The following IL1RAPL2 variants were observed in gnomAD, a reference collection of about 807,000 sequenced individuals.
IL1RAPL2 encodes X-linked interleukin-1 receptor accessory protein-like 2.
IL1RAPL2 carries 3 observed loss-of-function variants against 44.1 expected under a neutral mutation model. The observed-to-expected ratio is 0.07, with a 90% CI of 0.03 to 0.18. The LOEUF (loss-of-function observed/expected upper bound fraction) is 0.18. IL1RAPL2 is among the 10% of genes least tolerant of loss of function. IL1RAPL2 has a pLI of 1.00. For missense variants in IL1RAPL2, 391 were observed against 496.4 expected (o/e 0.79, Z 2.02); for synonymous variants, 181 against 178.8 (o/e 1.01, Z -0.10).
chrX:105,005,393 A>G lies in IL1RAPL2; in HGVS notation c.83-190082A>G, dbSNP rs192120132. Among the ~76,000 whole-genome samples the G allele has an allele frequency of 3.5e-4, 39 of 111,409 alleles. No individual in the cohort carries two copies. The Middle Eastern group carries it at 0.014, about 39-fold the overall frequency. ...ATATATCTATGCACCATGGACCAACAACGTGGGCATCACCTGGGAGCTCAT... is the reference window on the plus strand; with the variant it reads ...ATATATCTATGCACCATGGACCAACGACGTGGGCATCACCTGGGAGCTCAT... On this transcript the variant is annotated intron_variant, in intron 2 of 10. Coordinates refer to ENST00000372582, the MANE Select transcript of IL1RAPL2 (RefSeq NM_017416.2).
chrX:105,161,455 C>G (rs2033324495), intron 2 of IL1RAPL2, among the ~76,000 whole-genome samples: 1 of 108,977 alleles, frequency 9.2e-6, no homozygotes, highest in Non-Finnish European at 1.9e-5. Flanking sequence ...ATTCAAGATA[C>G]AAAAATTATT....
chrX:104,718,986 G>A (rs1056113849), intron 2 of IL1RAPL2, among the ~76,000 whole-genome samples: 4 of 111,853 alleles, frequency 3.6e-5, no homozygotes, highest in Non-Finnish European at 7.5e-5. Context: ...AAAACACATA[G>A]TGGGTTGTAG....
intron 7 of IL1RAPL2, among the ~76,000 whole-genome samples, chrX:105,723,373 T>C (rs2038322666): frequency 1.8e-5 from 2 of 111,667 alleles, no homozygotes; most frequent in South Asian, 7.5e-4. Flanking sequence ...GCTGAGAAGA[T>C]TGAAGCTTCC....
chrX:104,613,774 A>G (rs1300856263), intron 1 of IL1RAPL2, among the ~76,000 whole-genome samples: 1 of 103,279 alleles, frequency 9.7e-6, no homozygotes. Flanking sequence ...GCCTGGCAGA[A>G]TTTGGATGTA....
chrX:104,907,319 T>G (rs779021040), intron 2 of IL1RAPL2, among the ~76,000 whole-genome samples: 1 of 111,757 alleles, frequency 8.9e-6, no homozygotes, highest in African/African-American at 3.2e-5. Context: ...CTGCTTTGAT[T>G]TCAGTTATTT....
intron 2 of IL1RAPL2, among the ~76,000 whole-genome samples, chrX:104,715,680 T>TAA (rs774607456): frequency 0.057 from 5,635 of 98,813 alleles, 382 homozygotes; most frequent in African/African-American, 0.18. Flanking sequence ...TCACAATTGC[T>TAA]AAAAAAAAAA....
intron 2 of IL1RAPL2, among the ~76,000 whole-genome samples, chrX:104,958,991 G>A (rs149014052): frequency 0.017 from 1,934 of 111,300 alleles, 32 homozygotes; most frequent in Non-Finnish European, 0.025. Context: ...CAGGGTCTCC[G>A]TGGAATTAGT....
At chrX:104,941,543 G>T (rs1008282720) in intron 2 of IL1RAPL2, among the ~76,000 whole-genome samples, 6 of 111,514 alleles carry the variant, frequency 5.4e-5, no homozygotes, top group Non-Finnish European at 9.4e-5. Flanking sequence ...TTTTTGATGG[G>T]TTTTTTGATT....
intron 3 of IL1RAPL2, among the ~76,000 whole-genome samples, chrX:105,223,674 G>A (rs1316407979): frequency 1.8e-5 from 2 of 111,907 alleles, no homozygotes; most frequent in Non-Finnish European, 3.8e-5. Flanking sequence ...GACAAAACAT[G>A]ATTAGGGCTT....
intron 3 of IL1RAPL2, among the ~76,000 whole-genome samples, chrX:105,199,959 G>A (rs2033702969): frequency 9.0e-6 from 1 of 111,386 alleles, no homozygotes; most frequent in African/African-American, 3.3e-5. Flanking sequence ...ATATGTCTGT[G>A]AATAATGAAC....
chrX:104,766,460 T>C (rs1202427793), intron 2 of IL1RAPL2, among the ~76,000 whole-genome samples: 1 of 111,304 alleles, frequency 9.0e-6, no homozygotes, highest in Non-Finnish European at 1.9e-5. Context: ...CTTTCCTTCC[T>C]ATTTATATCA....
intron 5 of IL1RAPL2, among the ~76,000 whole-genome samples, chrX:105,318,022 G>T (rs1260510876): frequency 4.7e-4 from 50 of 107,420 alleles, no homozygotes; most frequent in African/African-American, 1.5e-3. Flanking sequence ...GCCCAGGCTG[G>T]AGTGCAGTGG....
chrX:105,106,513 T>C (rs1334623716), intron 2 of IL1RAPL2, among the ~76,000 whole-genome samples: 2 of 111,384 alleles, frequency 1.8e-5, no homozygotes, highest in African/African-American at 3.3e-5. Flanking sequence ...TTCTTGTCAA[T>C]ATGAAATATA....
chrX:105,741,693 A>G (rs963177234), intron 8 of IL1RAPL2, among the ~76,000 whole-genome samples: 11 of 111,839 alleles, frequency 9.8e-5, no homozygotes, highest in African/African-American at 3.2e-4. Context: ...ACTTGATTTT[A>G]TCTTAAAATA....
chrX:104,580,646 G>A (rs904168605), intron 1 of IL1RAPL2, among the ~76,000 whole-genome samples: 1 of 111,907 alleles, frequency 8.9e-6, no homozygotes, highest in African/African-American at 3.2e-5. Context: ...TAGTAAAGTC[G>A]ATGATAGGAA....
chrX:105,724,414 G>A (rs1007142633), intron 7 of IL1RAPL2, among the ~76,000 whole-genome samples: 1 of 110,346 alleles, frequency 9.1e-6, no homozygotes, highest in African/African-American at 3.3e-5. Flanking sequence ...AGCCTCTCCT[G>A]ATTTTCAGCC....
At chrX:105,131,560 C>T (rs1439462610) in intron 2 of IL1RAPL2, among the ~76,000 whole-genome samples, 4 of 107,833 alleles carry the variant, frequency 3.7e-5, no homozygotes, top group Non-Finnish European at 7.7e-5. Flanking sequence ...TAGGCCAATA[C>T]AGAAACAGGC....
chrX:105,551,696 G>A (rs1453441720), intron 6 of IL1RAPL2, among the ~76,000 whole-genome samples: 3 of 112,223 alleles, frequency 2.7e-5, no homozygotes, highest in African/African-American at 9.7e-5. Flanking sequence ...CAGCAAGAAA[G>A]TGATAAACAT....
At chrX:104,680,326 C>G (rs1463325658) in intron 2 of IL1RAPL2, among the ~76,000 whole-genome samples, 1 of 111,583 alleles carries the variant, frequency 9.0e-6, no homozygotes, top group East Asian at 2.8e-4. Flanking sequence ...GAGTCCACAA[C>G]CCCCCTGAAA....
Sources: gnomAD v4.1 joint callset for allele counts (sites outside exome capture counted in the v4.1 genomes callset) on GRCh38, gnomAD v4.1.1 for gene constraint, MANE v1.5 for transcripts, NCBI Gene and HGNC (gene_info 2026-07-23, HGNC 2026-07-21) for gene names.